The following TMEM178B variants were observed in gnomAD, a reference collection of about 807,000 sequenced individuals.
TMEM178B encodes transmembrane protein 178B.
TMEM178B carries 5 observed loss-of-function variants against 31.0 expected under a neutral mutation model. That is an observed-to-expected ratio of 0.16 (90% CI 0.08 to 0.34). TMEM178B has a LOEUF of 0.34. TMEM178B is among the 10% of genes least tolerant of loss of function. The probability of loss-of-function intolerance (pLI) is 1.00; values close to 1 mark genes in which losing one functional copy is unlikely to be tolerated. For synonymous variants in TMEM178B, 164 were observed against 164.0 expected, an observed-to-expected ratio of 1.00 and a Z score of 0.00; for missense variants, 275 against 400.3, an observed-to-expected ratio of 0.69 and a Z score of 2.67.
chr7:141,378,812 C>T (rs564500813), intron 2 of TMEM178B, among the ~76,000 whole-genome samples: 12 of 152,268 alleles, frequency 7.9e-5, no homozygotes, highest in African/African-American at 1.2e-4. Context: ...AGGATGGTAG[C>T]GAGAGTGAAA....
chr7:141,331,812 G>A (rs1799305172), intron 2 of TMEM178B, among the ~76,000 whole-genome samples: 1 of 152,198 alleles, frequency 6.6e-6, no homozygotes, highest in Non-Finnish European at 1.5e-5. Flanking sequence ...AGGGCTTTGG[G>A]CCAGTGATTG....
chr7:141,504,001 A>T, the TMEM178B span, among the ~76,000 whole-genome samples: 1 of 152,264 alleles, frequency 6.6e-6, no homozygotes, highest in South Asian at 2.1e-4. Flanking sequence ...AGCCAGGAAG[A>T]AATTTAATAG....
intron 2 of TMEM178B, among the ~76,000 whole-genome samples, chr7:141,339,032 G>A (rs1799472190): frequency 1.3e-5 from 2 of 152,202 alleles, no homozygotes; most frequent in African/African-American, 2.4e-5. Flanking sequence ...GTGTGCATGT[G>A]TATGCGTGTG....
intron 1 of TMEM178B, among the ~76,000 whole-genome samples, chr7:141,200,684 G>C (rs991821582): frequency 2.6e-5 from 4 of 152,102 alleles, no homozygotes; most frequent in Non-Finnish European, 4.4e-5. Context: ...TTTTGGATAC[G>C]GTTCTTAGAC....
In TMEM178B at chr7:141,318,482, G is replaced by A. The variant is rs908150344; in HGVS notation, c.496+105778G>A. ...ATTTAGCTTTCATTTCTTTGAATACGTGTTTTATCTGATTTTAAAACTTTT... is the reference window on the plus strand; with the variant it reads ...ATTTAGCTTTCATTTCTTTGAATACATGTTTTATCTGATTTTAAAACTTTT... On this transcript the variant is annotated intron_variant, in intron 2 of 3. Transcript: ENST00000565468. This position sits in a 1 kb window ranked among gnomAD's most constrained non-coding sequence, Gnocchi z 4.1. Among the ~76,000 whole-genome samples, 17 of 152,124 alleles carry A rather than the reference G, an allele frequency of 1.1e-4. No individual in the cohort carries two copies. The highest frequency in any genetic ancestry group is 2.4e-4 in the African/African-American group (10 of 41,422).
At chr7:141,445,168 C>T (rs149019644) in intron 3 of TMEM178B, among the ~76,000 whole-genome samples, 5 of 152,188 alleles carry the variant, frequency 3.3e-5, no homozygotes, top group African/African-American at 9.6e-5. Flanking sequence ...ATTTGCAAGC[C>T]GATGATGCCA....
At chr7:141,507,175 T>C in the TMEM178B span, among the ~76,000 whole-genome samples, 4 of 152,046 alleles carry the variant, frequency 2.6e-5, no homozygotes, top group Non-Finnish European at 4.4e-5. Flanking sequence ...TATTCTGGGG[T>C]CTGGAGAACA....
chr7:141,226,875 GA>G (rs964718332), intron 2 of TMEM178B, among the ~76,000 whole-genome samples: 4 of 15,294 alleles, frequency 2.6e-4, no homozygotes, highest in Non-Finnish European at 5.1e-4. Context: ...AAAAAAAAAA[GA>G]AAAAGAAAAA....
chr7:141,127,843 C>A (rs1446009225), intron 1 of TMEM178B, among the ~76,000 whole-genome samples: 1 of 152,100 alleles, frequency 6.6e-6, no homozygotes, highest in African/African-American at 2.4e-5. Context: ...TTTTCCTTTT[C>A]TGTGAGGTCT....
At chr7:141,258,259 A>G (rs1393030948) in intron 2 of TMEM178B, among the ~76,000 whole-genome samples, 1 of 151,904 alleles carries the variant, frequency 6.6e-6, no homozygotes, top group Non-Finnish European at 1.5e-5. Flanking sequence ...GTTGTTTAAC[A>G]TTGTTTAGCA....
intron 1 of TMEM178B, among the ~76,000 whole-genome samples, chr7:141,127,583 G>C (rs1016440024): frequency 6.6e-6 from 1 of 152,192 alleles, no homozygotes; most frequent in African/African-American, 2.4e-5. Context: ...ACTGGAGAGA[G>C]GCATGGAATA....
At chr7:141,442,438 G>A (rs1278629203) in intron 3 of TMEM178B, among the ~76,000 whole-genome samples, 2 of 152,112 alleles carry the variant, frequency 1.3e-5, no homozygotes, top group African/African-American at 4.8e-5. Context: ...ACTGTCAATG[G>A]CCCAATAGCT....
rs191000301 is a variant in TMEM178B at position 141,259,275 on chromosome 7, T to C, written c.496+46571T>C. Among the ~76,000 whole-genome samples the C allele has an allele frequency of 2.7e-3, 415 of 152,354 alleles. 3 individuals are homozygous for C. The highest frequency in any genetic ancestry group is 0.014 in the Middle Eastern group (4 of 294). ...AAGTTTTATTTGTTGTTATATCTTT[T>C]AACCCCAGAATCTCTGTTTAAAAAT... is the stretch of plus-strand genomic sequence containing the variant. On this transcript the variant is annotated intron_variant, in intron 2 of 3. Transcript: ENST00000565468.
At chr7:141,304,872 C>A (rs1203714701) in intron 2 of TMEM178B, among the ~76,000 whole-genome samples, 1 of 152,172 alleles carries the variant, frequency 6.6e-6, no homozygotes, top group Non-Finnish European at 1.5e-5. Context: ...TCACTGGCAT[C>A]CATCTCTTCC....
chr7:141,233,569 G>T (rs1238924614), intron 2 of TMEM178B, among the ~76,000 whole-genome samples: 8 of 152,178 alleles, frequency 5.3e-5, no homozygotes, highest in Admixed American at 4.6e-4. Flanking sequence ...TAGACTGGGG[G>T]TGTTGTAACT....
At chr7:141,273,567 C>T (rs1330929475) in intron 2 of TMEM178B, among the ~76,000 whole-genome samples, 1 of 152,140 alleles carries the variant, frequency 6.6e-6, no homozygotes, top group African/African-American at 2.4e-5. Flanking sequence ...TAAAACCAAA[C>T]CAAAGCATTG....
At chr7:141,385,966 GA>G (rs1461045514) in intron 2 of TMEM178B, among the ~76,000 whole-genome samples, 2 of 152,218 alleles carry the variant, frequency 1.3e-5, no homozygotes, top group Non-Finnish European at 1.5e-5. Context: ...GCTTCTTTCT[GA>G]ACTCATTAAA....
Position 141,344,703 on chromosome 7 carries a change from G to A in TMEM178B, c.497-92905G>A, listed in dbSNP as rs1799588356. ...GTATAAAACAATAAAGATGGACACA[G>A]AAGGTACAGCACCCCCCAACACACA... is the stretch of plus-strand genomic sequence containing the variant. On this transcript the variant is annotated intron_variant, in intron 2 of 3. Transcript: ENST00000565468. This position sits in a 1 kb window ranked among gnomAD's most constrained non-coding sequence, Gnocchi z 4.1. Among the ~76,000 whole-genome samples, 1 of 151,694 alleles carries A rather than the reference G, an allele frequency of 6.6e-6. No homozygotes were observed. Among genetic ancestry groups the A allele is most frequent in the Non-Finnish European group, 1.5e-5 (1 of 67,988 alleles).
At position 141,430,481 on chromosome 7, in the gene TMEM178B, C is replaced by A. The variant is rs948000187; in HGVS notation, c.497-7127C>A. 4.6e-5 allele frequency among the ~76,000 whole-genome samples: 7 copies of A among 152,130 alleles called. 1 individual carries two copies. Among genetic ancestry groups the A allele is most frequent in the Non-Finnish European group, 1.0e-4 (7 of 68,032 alleles). On this transcript the variant is annotated intron_variant, in intron 2 of 3. Coordinates refer to ENST00000565468, the MANE Select transcript of TMEM178B (RefSeq NM_001195278.2). ...CTCTTTGAAGTAGGTATTGTCATAACCTTCATTTACACATGTGGAAACAGA... is the reference window on the plus strand; with the variant it reads ...CTCTTTGAAGTAGGTATTGTCATAAACTTCATTTACACATGTGGAAACAGA...
Sources: gnomAD v4.1 joint callset for allele counts (sites outside exome capture counted in the v4.1 genomes callset) on GRCh38, gnomAD v4.1.1 for gene constraint, Gnocchi (gnomAD v3.1) non-coding constraint, MANE v1.5 for transcripts, NCBI Gene and HGNC (gene_info 2026-07-23, HGNC 2026-07-21) for gene names.